The following LIPJ variants were observed in gnomAD, a reference collection of about 807,000 sequenced individuals.
LIPJ encodes the protein lipase family member J, also known as lipase member J.
Under a neutral mutation model 39.8 loss-of-function variants are expected in LIPJ, and 33 were observed. That is an observed-to-expected ratio of 0.83 (90% CI 0.63 to 1.11). The LOEUF (loss-of-function observed/expected upper bound fraction) is 1.11. LIPJ is among the 50% of genes least tolerant of loss of function. The pLI, the probability that LIPJ is intolerant of heterozygous loss-of-function variation, is 0.00. For missense variants in LIPJ, 422 were observed against 427.9 expected (o/e 0.99, Z 0.12); for synonymous variants, 128 against 139.2 (o/e 0.92, Z 0.57).
chr10:88,596,745 T>A (rs779058085), intron 7 of LIPJ, 45 bp from the exon 8 acceptor site: 160 of 1,484,218 alleles, frequency 1.1e-4, no homozygotes, highest in Non-Finnish European at 1.4e-4. Context: ...TCTTTAGCAC[T>A]TATTGTGGTC....
exon 6 of LIPJ, chr10:88,594,686 T>A: frequency 6.5e-7 from 1 of 1,531,834 alleles, no homozygotes; most frequent in Non-Finnish European, 8.8e-7. Flanking sequence ...GATGGCAAAA[T>A]ATGACCTTCC....
downstream of LIPJ, among the ~76,000 whole-genome samples, chr10:88,607,491 G>T (rs956592785): frequency 2.6e-5 from 4 of 152,116 alleles, no homozygotes; most frequent in African/African-American, 7.2e-5. Flanking sequence ...GAAGAGGGAA[G>T]TTGCCTTTCC....
downstream of LIPJ, among the ~76,000 whole-genome samples, chr10:88,608,959 C>G (rs1851718943): frequency 6.6e-6 from 1 of 152,212 alleles, no homozygotes; most frequent in Non-Finnish European, 1.5e-5. Context: ...ACAGGGCTTA[C>G]ACCAAGCAAC....
chr10:88,604,372 TAC>T (rs1321567859), intron 9 of LIPJ, among the ~76,000 whole-genome samples: 14 of 152,324 alleles, frequency 9.2e-5, no homozygotes, highest in Admixed American at 2.0e-4. Flanking sequence ...TGATATAGTT[TAC>T]ACTTTTAAAA....
exon 11 of LIPJ, chr10:88,606,908 A>G: frequency 1.3e-6 from 2 of 1,518,094 alleles, no homozygotes; most frequent in Non-Finnish European, 1.8e-6. Context: ...CAATCTATAA[A>G]GAACCATGGC....
intron 6 of LIPJ, among the ~76,000 whole-genome samples, chr10:88,595,330 T>C (rs1312278226): frequency 6.6e-6 from 1 of 151,748 alleles, no homozygotes; most frequent in Non-Finnish European, 1.5e-5. Context: ...AACATAATTC[T>C]CTTGCATGGT....
chr10:88,592,962 A>G (rs73357291), intron 4 of LIPJ: 5,949 of 152,024 alleles, frequency 0.039, 361 homozygotes, highest in African/African-American at 0.13. Context: ...CCTGCCTGAT[A>G]GGGTAAGCCA....
the LIPJ span, among the ~76,000 whole-genome samples, chr10:88,619,876 G>A: frequency 1.3e-5 from 2 of 151,602 alleles, no homozygotes; most frequent in African/African-American, 4.8e-5. Context: ...CAAAAAGCAC[G>A]ATCTATGAAA....
At chr10:88,588,260 A>G (rs542288888) in intron 2 of LIPJ, among the ~76,000 whole-genome samples, 2 of 152,004 alleles carry the variant, frequency 1.3e-5, no homozygotes, top group South Asian at 4.1e-4. Flanking sequence ...AAAACATATC[A>G]ACTTAAAAAC....
intron 2 of LIPJ, among the ~76,000 whole-genome samples, chr10:88,587,654 A>G (rs1177935717): frequency 1.3e-5 from 2 of 152,050 alleles, no homozygotes; most frequent in African/African-American, 4.8e-5. Context: ...ACAAAACTAC[A>G]CTTTTTACTC....
At chr10:88,614,850 G>A in the LIPJ span, among the ~76,000 whole-genome samples, 1 of 152,038 alleles carries the variant, frequency 6.6e-6, no homozygotes, top group Admixed American at 6.5e-5. Context: ...AGAAAAATAT[G>A]CTAACGAAAT....
At chr10:88,615,648 AAAAC>A in the LIPJ span, among the ~76,000 whole-genome samples, 671 of 149,948 alleles carry the variant, frequency 4.5e-3, 13 homozygotes, top group African/African-American at 0.016. Flanking sequence ...AAAAAAAAAA[AAAAC>A]AGAAAGAAAT....
the LIPJ span, among the ~76,000 whole-genome samples, chr10:88,618,072 T>C: frequency 2.6e-5 from 4 of 152,284 alleles, no homozygotes; most frequent in Admixed American, 2.6e-4. Flanking sequence ...TTAAGCCAGA[T>C]CAACCTCAAT....
upstream of LIPJ, chr10:88,585,632 T>A (rs1850884890): frequency 6.6e-6 from 1 of 152,176 alleles, no homozygotes; most frequent in Non-Finnish European, 1.5e-5. Context: ...CCATTAGGTT[T>A]TTTTTTTTAA....
chr10:88,612,137 T>A, the LIPJ span, among the ~76,000 whole-genome samples: 1 of 152,140 alleles, frequency 6.6e-6, no homozygotes, highest in Non-Finnish European at 1.5e-5. Context: ...AAAACAATTA[T>A]CACCTAAGAA....
At chr10:88,591,239 G>A (rs1267927216) in intron 3 of LIPJ, 139 bp from the exon 4 acceptor site, 2 of 553,234 alleles carry the variant, frequency 3.6e-6, no homozygotes, top group Non-Finnish European at 6.1e-6. Context: ...CAGTAAATTA[G>A]TGAAAATAAA....
upstream of LIPJ, among the ~76,000 whole-genome samples, chr10:88,585,239 A>C (rs1267422986): frequency 6.6e-6 from 1 of 152,226 alleles, no homozygotes; most frequent in Non-Finnish European, 1.5e-5. Context: ...AAGCAAGGGC[A>C]GGCCTTCATG....
the LIPJ span, among the ~76,000 whole-genome samples, chr10:88,614,580 T>C: frequency 2.0e-5 from 3 of 152,134 alleles, no homozygotes; most frequent in African/African-American, 7.2e-5. Flanking sequence ...AGGAGAACTA[T>C]AGATGTTCAT....
exon 10 of LIPJ, chr10:88,605,689 G>C: frequency 6.2e-7 from 1 of 1,608,368 alleles, no homozygotes; most frequent in Non-Finnish European, 8.5e-7. Context: ...ATCTGAACTT[G>C]GTTCATTATA....
Sources: gnomAD v4.1 joint callset for allele counts (sites outside exome capture counted in the v4.1 genomes callset) on GRCh38, gnomAD v4.1.1 for gene constraint, MANE v1.5 for transcripts, NCBI Gene and HGNC (gene_info 2026-07-23, HGNC 2026-07-21) for gene names.